ZNF536: variants seen among roughly 807,000 people sequenced by gnomAD.
The protein encoded by ZNF536 is zinc finger protein 536.
ZNF536 carries 13 observed loss-of-function variants against 84.5 expected under a neutral mutation model. The observed-to-expected ratio is 0.15, with a 90% confidence interval of 0.10 to 0.24. ZNF536 has a LOEUF of 0.24. ZNF536 is among the 10% of genes least tolerant of loss of function. ZNF536 has a pLI of 1.00. For missense variants in ZNF536, 1,536 were observed against 1,747.5 expected, an observed-to-expected ratio of 0.88 and a Z score of 2.16; for synonymous variants, 811 against 742.5, an observed-to-expected ratio of 1.09 and a Z score of -1.50.
In ZNF536 at chr19:30,405,129, G is replaced by A. The variant is rs2050212369; in HGVS notation, c.-3+32573G>A. ...GCATTCAGCTATCCCGAAGCTCCCA[G>A]AACCCAGTCCTCTTGGGTTTTTAGG... On this transcript the variant is annotated intron_variant, in intron 1 of 4. Transcript: ENST00000355537. 2.0e-5 allele frequency among the ~76,000 whole-genome samples: 3 copies of A among 152,188 alleles called. No individual in the cohort carries two copies. In the South Asian group the frequency reaches 6.2e-4, roughly 31 times the overall value.
chr19:30,284,488 C>A (rs2045562288), intron 2 of ZNF536, among the ~76,000 whole-genome samples: 1 of 152,212 alleles, frequency 6.6e-6, no homozygotes, highest in Non-Finnish European at 1.5e-5. Context: ...GTGACCTCGT[C>A]CAAGTGCCAC....
At chr19:30,667,099 C>A (rs943376385) in intron 1 of ZNF536, among the ~76,000 whole-genome samples, 1 of 152,120 alleles carries the variant, frequency 6.6e-6, no homozygotes, top group Non-Finnish European at 1.5e-5. Context: ...GTAAGCTGGG[C>A]CCTCTTGTCT....
chr19:30,531,789 T>A (rs2044836125), intron 2 of ZNF536, among the ~76,000 whole-genome samples: 1 of 151,970 alleles, frequency 6.6e-6, no homozygotes, highest in African/African-American at 2.4e-5. Context: ...CACACCCAGC[T>A]AATTTTTGTA....
intron 2 of ZNF536, among the ~76,000 whole-genome samples, chr19:30,484,201 G>T (rs74674829): frequency 6.6e-6 from 1 of 150,652 alleles, no homozygotes; most frequent in African/African-American, 2.4e-5. Flanking sequence ...AAATTCATCA[G>T]TGTGGGGTGT....
chr19:30,261,569 C>T (rs2025222821), intron 1 of ZNF536, among the ~76,000 whole-genome samples: 3 of 150,788 alleles, frequency 2.0e-5, no homozygotes. Flanking sequence ...TGTGGTGGTG[C>T]ATGCCTGTAG....
intron 2 of ZNF536, among the ~76,000 whole-genome samples, chr19:30,301,347 C>T (rs1036983152): frequency 6.6e-6 from 1 of 152,222 alleles, no homozygotes; most frequent in Non-Finnish European, 1.5e-5. Flanking sequence ...GTTATTCTGT[C>T]TGCAAAATGG....
At chr19:30,486,806 C>G (rs1487545852) in intron 2 of ZNF536, among the ~76,000 whole-genome samples, 1 of 152,202 alleles carries the variant, frequency 6.6e-6, no homozygotes, top group East Asian at 1.9e-4. Context: ...AATAACTCAT[C>G]TCATCTGTTT....
Position 30,445,524 on chromosome 19 carries a change from G to A in ZNF536, c.1962G>A (p.Lys654=), listed in dbSNP as rs149326839. The A allele has an allele frequency of 3.9e-3, 6,352 of 1,614,000 alleles. 22 individuals are homozygous for A. Among genetic ancestry groups the A allele is most frequent in the Middle Eastern group, 5.9e-3 (36 of 6,062 alleles). Reference sequence around the variant, plus strand: ...TGGTCGTGCACTCCCGTGTCCACAAGCGGGACCGCAAGGGCGAGGAGGATG... The same window carrying A: ...TGGTCGTGCACTCCCGTGTCCACAAACGGGACCGCAAGGGCGAGGAGGATG... ...HQVVVHSRVH[K]RDRKGEEDGL... The change falls in exon 2 of 5, where the codon AAG becomes AAA. Residue 654 remains lysine (K), a synonymous_variant. Transcript: ENST00000355537. This position sits in a 1 kb window ranked among gnomAD's most constrained non-coding sequence, Gnocchi z 4.5.
At chr19:30,349,974 G>A (rs986164011) in intron 2 of ZNF536, among the ~76,000 whole-genome samples, 3 of 151,790 alleles carry the variant, frequency 2.0e-5, no homozygotes, top group African/African-American at 4.8e-5. Context: ...CCTTACTTTC[G>A]ATTGTGTGAG....
intron 1 of ZNF536, among the ~76,000 whole-genome samples, chr19:30,282,555 A>G (rs1324684294): frequency 6.6e-6 from 1 of 152,132 alleles, no homozygotes; most frequent in African/African-American, 2.4e-5. Flanking sequence ...TAGTCCTAGA[A>G]TTTTGCAAGT....
intron 1 of ZNF536, among the ~76,000 whole-genome samples, chr19:30,650,361 G>T (rs1209304310): frequency 6.6e-6 from 1 of 152,166 alleles, no homozygotes; most frequent in African/African-American, 2.4e-5. Flanking sequence ...GGGCCATGAC[G>T]GTTTTCCTAA....
At chr19:30,270,881 A>G (rs757438632) in intron 1 of ZNF536, among the ~76,000 whole-genome samples, 2 of 151,866 alleles carry the variant, frequency 1.3e-5, no homozygotes, top group Non-Finnish European at 2.9e-5. Context: ...GTGCAAATTC[A>G]TTACAATGTT....
chr19:30,301,269 T>TTCACATGATAATTTTAGG (rs879852528), intron 2 of ZNF536, among the ~76,000 whole-genome samples: 53 of 152,276 alleles, frequency 3.5e-4, no homozygotes, highest in Admixed American at 1.6e-3. Flanking sequence ...AAATAACCTC[T>TTCACATGATAATTTTAGG]TCACATGATA....
intron 1 of ZNF536, among the ~76,000 whole-genome samples, chr19:30,613,145 T>G (rs2048158975): frequency 6.6e-6 from 1 of 152,232 alleles, no homozygotes; most frequent in Non-Finnish European, 1.5e-5. Flanking sequence ...CTTGAGGTGA[T>G]CTTTCCTTAC....
chr19:30,422,856 ACCATCCATCCAT>A (rs756085321), intron 1 of ZNF536, among the ~76,000 whole-genome samples: 4 of 119,440 alleles, frequency 3.3e-5, no homozygotes, highest in Non-Finnish European at 5.3e-5. Flanking sequence ...CATCCATCCA[ACCATCCATCCAT>A]CCATCCATCC....
chr19:30,341,915 T>C (rs944864652), intron 2 of ZNF536, among the ~76,000 whole-genome samples: 3 of 152,330 alleles, frequency 2.0e-5, no homozygotes, highest in Admixed American at 2.0e-4. Context: ...TAATGCATAC[T>C]CATAAAAATA....
intron 3 of ZNF536, among the ~76,000 whole-genome samples, chr19:30,537,334 C>T (rs1439727093): frequency 6.6e-6 from 1 of 152,174 alleles, no homozygotes; most frequent in African/African-American, 2.4e-5. Context: ...GACCCGCAGA[C>T]TGCCAGGATA....
intron 1 of ZNF536, among the ~76,000 whole-genome samples, chr19:30,577,431 G>C (rs778769072): frequency 1.1e-4 from 17 of 152,196 alleles, no homozygotes; most frequent in Non-Finnish European, 2.4e-4. Context: ...ACAAAGGACA[G>C]AGATAGTAAA....
intron 2 of ZNF536, among the ~76,000 whole-genome samples, chr19:30,290,766 C>T (rs1428190755): frequency 6.6e-6 from 1 of 152,172 alleles, no homozygotes; most frequent in East Asian, 1.9e-4. Flanking sequence ...TAGTTTGCTG[C>T]ACCCATCAAC....
Sources: gnomAD v4.1 joint callset for allele counts (sites outside exome capture counted in the v4.1 genomes callset) on GRCh38, gnomAD v4.1.1 for gene constraint, Gnocchi (gnomAD v3.1) non-coding constraint, MANE v1.5 for transcripts, NCBI Gene and HGNC (gene_info 2026-07-23, HGNC 2026-07-21) for gene names.